The following P4HTM variants were observed in gnomAD, a reference collection of about 807,000 sequenced individuals.
P4HTM encodes the protein prolyl 4-hydroxylase, transmembrane.
Under a neutral mutation model 55.3 loss-of-function variants are expected in P4HTM, and 33 were observed. The observed-to-expected ratio is 0.60, with a 90% CI of 0.45 to 0.80. P4HTM has a LOEUF of 0.80. Among genes scored for constraint, P4HTM ranks in the 30% least tolerant of loss-of-function variants. The pLI is 0.00. For synonymous variants in P4HTM, 272 were observed against 286.4 expected (o/e 0.95, Z 0.51); for missense variants, 542 against 696.5 (o/e 0.78, Z 2.50).
intron 2 of P4HTM, 41 bp from the exon 3 acceptor site, chr3:49,001,397 C>A: frequency 6.2e-7 from 1 of 1,602,814 alleles, no homozygotes; most frequent in Non-Finnish European, 8.5e-7. Flanking sequence ...CACCAGCGCC[C>A]TGGCTCAGTC....
intron 2 of P4HTM, among the ~76,000 whole-genome samples, chr3:48,993,217 G>A (rs2092935925): frequency 6.6e-6 from 1 of 150,892 alleles, no homozygotes; most frequent in South Asian, 2.1e-4. Flanking sequence ...CAGGAGAATC[G>A]CTTGAACCCA....
intron 6 of P4HTM, chr3:49,005,484 CCT>C: frequency 7.4e-7 from 1 of 1,346,210 alleles, no homozygotes; most frequent in East Asian, 2.8e-5. Context: ...TTCAGCGCGC[CCT>C]GTTGCTTCTG....
At position 49,006,062 on chromosome 3, in the gene P4HTM, A is replaced by G; in HGVS notation, c.1165-2A>G. 1 of 1,610,980 alleles carries G rather than the reference A, an allele frequency of 6.2e-7. No homozygotes were observed. Among genetic ancestry groups the G allele is most frequent in the African/African-American group, 1.3e-5 (1 of 75,008 alleles). On this transcript the variant is annotated splice_acceptor_variant, in intron 7 of 8. Coordinates refer to ENST00000383729, the MANE Select transcript of P4HTM (RefSeq NM_177939.3). LOFTEE classifies it high-confidence loss of function. ...AACACCCCACCACCCTGCTGCCCAC[A>G]GAGTCTGATTCAGGATGACGTGGAC...
rs535525641 is a variant in P4HTM, at chr3:49,006,967, G to A, written c.*60G>A. ...GCCAGTTGCCCAAGATCAGGGGTCC[G>A]GCTGTCCTTCTGTCCTGCTGCAGAC... is the stretch of plus-strand genomic sequence containing the variant. On this transcript the variant is annotated 3_prime_UTR_variant, in exon 9 of 9. Transcript: ENST00000383729. 9 of 1,379,742 alleles carry A rather than the reference G, an allele frequency of 6.5e-6. No homozygotes were observed. The highest frequency in any genetic ancestry group is 2.0e-4 in the Middle Eastern group (1 of 4,902). The allele number at this position is 1,379,742 out of a possible 1,614,324, so 85.5% of individuals were successfully genotyped here. A position where few individuals can be genotyped will look rare whatever the true frequency, so the allele number is the denominator to read the frequency against.
Position 49,006,785 on chromosome 3 carries a change from A to G in P4HTM, c.1387A>G (p.Ser463Gly). ...IANNWINVDPSRARQALFQQE... is the reference protein window; with the variant it reads ...IANNWINVDPGRARQALFQQE... ...CAACAACTGGATTAATGTGGACCCC[A>G]GCCGAGCGCGGCAAGCGCTGTTCCA... Residue 463 changes from serine to glycine, a missense_variant, in exon 9 of 9, where the codon AGC becomes GGC. Ser to Gly is a moderately conservative substitution (Grantham distance 56). Transcript: ENST00000383729. 1 of 1,613,596 alleles carries G rather than the reference A, an allele frequency of 6.2e-7. No individual in the cohort carries two copies. Among genetic ancestry groups the G allele is most frequent in the Non-Finnish European group, 8.5e-7 (1 of 1,180,030 alleles).
intron 2 of P4HTM, among the ~76,000 whole-genome samples, chr3:48,994,958 C>G (rs1234015692): frequency 6.6e-6 from 1 of 152,088 alleles, no homozygotes; most frequent in Non-Finnish European, 1.5e-5. Context: ...CGCCACCACA[C>G]CTGGCTAATT....
intron 2 of P4HTM, among the ~76,000 whole-genome samples, chr3:48,995,126 A>G (rs1446414047): frequency 6.6e-6 from 1 of 152,016 alleles, no homozygotes; most frequent in Non-Finnish European, 1.5e-5. Flanking sequence ...AAATGTCTCC[A>G]ACATTTTCCA....
Position 49,005,062 on chromosome 3 carries a change from C to A in P4HTM, c.1073+16C>A. ...CCTCCTGCCGGCAAGTATCTCCCAA[C>A]TGGGGGCTGCCTTCAATCCTCAGAC... On this transcript the variant is annotated intron_variant, in intron 6 of 8. Transcript: ENST00000383729. 1 of 1,613,990 alleles carries A rather than the reference C, an allele frequency of 6.2e-7. No homozygotes were observed. Among genetic ancestry groups the A allele is most frequent in the African/African-American group, 1.3e-5 (1 of 75,074 alleles).
intron 2 of P4HTM, chr3:49,001,200 T>A (rs1447960574): frequency 2.4e-5 from 13 of 552,288 alleles, no homozygotes; most frequent in Non-Finnish European, 3.9e-5. Flanking sequence ...AGGGCTCTCC[T>A]GGAAAATGTG....
intron 2 of P4HTM, chr3:48,997,731 G>A (rs532846197): frequency 6.6e-6 from 1 of 152,210 alleles, no homozygotes; most frequent in African/African-American, 2.4e-5. Flanking sequence ...AATGTCCTAT[G>A]CTTGTAAAGG....
chr3:49,002,705 C>T lies in P4HTM; in HGVS notation c.724+109C>T. 2 of 830,896 alleles carry T rather than the reference C, an allele frequency of 2.4e-6. No individual in the cohort carries two copies. Among genetic ancestry groups the T allele is most frequent in the African/African-American group, 3.3e-5 (2 of 60,132 alleles). 51.5% of individuals were successfully genotyped at this position (830,896 alleles called of 1,614,324 possible). ...CCCCCACAGCCAGGCAGCCTCTCTGCACCCCTTTATAGTGGCCAGAGATGG... is the reference window on the plus strand; with the variant it reads ...CCCCCACAGCCAGGCAGCCTCTCTGTACCCCTTTATAGTGGCCAGAGATGG... On this transcript the variant is annotated intron_variant, in intron 4 of 8. Coordinates refer to ENST00000383729, the MANE Select transcript of P4HTM (RefSeq NM_177939.3). This position sits in a 1 kb window ranked among gnomAD's most constrained non-coding sequence, Gnocchi z 4.4.
Position 48,990,506 on chromosome 3 carries a change from T to C in P4HTM, c.250T>C (p.Tyr84His). The C allele has an allele frequency of 6.2e-7, 1 of 1,611,278 alleles. No homozygotes were observed. The highest frequency in any genetic ancestry group is 8.5e-7 in the Non-Finnish European group (1 of 1,179,374). Residue 84 changes from tyrosine to histidine, a missense_variant, in exon 1 of 9, where the codon TAC becomes CAC. Physicochemically the swap from Tyr to His is moderately conservative, Grantham distance 83. Transcript: ENST00000383729. The surrounding 1 kb of genome is among the most constrained non-coding windows in gnomAD (Gnocchi z 7.2). ...NVLALLLFVH[Y>H]SNGDESSDPG... ...GCTGGCGCTGCTGCTCTTCGTGCAC[T>C]ACAGCAACGGCGACGAAAGCAGCGA... is the stretch of plus-strand genomic sequence containing the variant.
rs1223575375 is a variant in P4HTM at position 49,002,704 on chromosome 3, G to A, written c.724+108G>A. On this transcript the variant is annotated intron_variant, in intron 4 of 8. Coordinates refer to ENST00000383729, the MANE Select transcript of P4HTM (RefSeq NM_177939.3). The surrounding 1 kb of genome is among the most constrained non-coding windows in gnomAD (Gnocchi z 4.4). ...TCCCCCACAGCCAGGCAGCCTCTCT[G>A]CACCCCTTTATAGTGGCCAGAGATG... 2 of 834,450 alleles carry A rather than the reference G, an allele frequency of 2.4e-6. No homozygotes were observed. Among genetic ancestry groups the A allele is most frequent in the Non-Finnish European group, 4.1e-6 (2 of 482,992 alleles). The allele number at this position is 834,450 out of a possible 1,614,324, so 51.7% of individuals were successfully genotyped here. A position where few individuals can be genotyped will look rare whatever the true frequency, so the allele number is the denominator to read the frequency against.
At chr3:48,995,791 G>A (rs2106650133) in intron 2 of P4HTM, among the ~76,000 whole-genome samples, 1 of 152,246 alleles carries the variant, frequency 6.6e-6, no homozygotes, top group South Asian at 2.1e-4. Context: ...TCACCATGTT[G>A]GCCAGGCTGG....
At chr3:49,001,831 A>C (rs1392070644) in intron 3 of P4HTM, among the ~76,000 whole-genome samples, 1 of 152,198 alleles carries the variant, frequency 6.6e-6, no homozygotes, top group Non-Finnish European at 1.5e-5. Context: ...ATGGCAGGAG[A>C]ATCCACCTGG....
In P4HTM at chr3:49,002,791, C is replaced by T. The variant is rs767657124; in HGVS notation, c.724+195C>T. On this transcript the variant is annotated intron_variant, in intron 4 of 8. Transcript: ENST00000383729. The surrounding 1 kb of genome is among the most constrained non-coding windows in gnomAD (Gnocchi z 4.4). ...GAAGTAGGCAGGCAGCCAGGCCCCC[C>T]GTTCCCCTTGGTGATGGTCTCGAGG... 3.1e-4 allele frequency: 209 copies of T among 681,038 alleles called. 1 individual carries two copies. Among genetic ancestry groups the T allele is most frequent in the African/African-American group, 6.5e-4 (37 of 56,772 alleles). The allele number at this position is 681,038 out of a possible 1,614,324, so 42.2% of individuals were successfully genotyped here. A position where few individuals can be genotyped will look rare whatever the true frequency, so the allele number is the denominator to read the frequency against.
At chr3:48,996,455 G>A (rs543784664) in intron 2 of P4HTM, 3 of 152,126 alleles carry the variant, frequency 2.0e-5, no homozygotes, top group Non-Finnish European at 1.5e-5. Context: ...TCCGCTTCCT[G>A]GGTTCAAGTG....
chr3:48,991,705 A>G (rs2092931775), intron 2 of P4HTM: 1 of 152,264 alleles, frequency 6.6e-6, no homozygotes, highest in Admixed American at 6.5e-5. Flanking sequence ...CCTATGCAGT[A>G]AAGCCACAGT....
At chr3:48,994,629 G>A (rs1186565198) in intron 2 of P4HTM, among the ~76,000 whole-genome samples, 7 of 152,058 alleles carry the variant, frequency 4.6e-5, no homozygotes, top group Non-Finnish European at 1.5e-5. Flanking sequence ...TCAGCTGAGG[G>A]CACCATCCTG....
Sources: allele counts gnomAD v4.1 joint callset (sites outside exome capture counted in the v4.1 genomes callset), GRCh38; gene constraint gnomAD v4.1.1; non-coding constraint Gnocchi (gnomAD v3.1); transcripts MANE v1.5; gene names NCBI Gene and HGNC (gene_info 2026-07-23, HGNC 2026-07-21).